MGAT5B: variants seen among roughly 807,000 people sequenced by gnomAD.
MGAT5B encodes N-acetylglucosaminyl-transferase Vb.
A neutral mutation model predicts 95.1 loss-of-function variants in MGAT5B; 54 were observed. The observed-to-expected ratio is 0.57, with a 90% CI of 0.46 to 0.71. MGAT5B has a LOEUF of 0.71. Among genes scored for constraint, MGAT5B ranks in the 30% least tolerant of loss-of-function variants. The pLI is 0.00. For synonymous variants in MGAT5B, 464 were observed against 451.0 expected (o/e 1.03, Z -0.36); for missense variants, 935 against 1,088.6 (o/e 0.86, Z 1.99).
chr17:76,903,219 G>A (rs1598934021), intron 4 of MGAT5B, 84 bp from the exon 5 acceptor site: 5 of 1,039,788 alleles, frequency 4.8e-6, no homozygotes, highest in African/African-American at 3.3e-5. Context: ...CGGATTGTGT[G>A]GGAAGCTGCC....
At chr17:76,878,423 G>A (rs1032639381) in intron 2 of MGAT5B, among the ~76,000 whole-genome samples, 3 of 152,156 alleles carry the variant, frequency 2.0e-5, no homozygotes, top group African/African-American at 7.2e-5. Context: ...CCGCAGGCAT[G>A]GTCATCGTGA....
chr17:76,900,188 T>A (rs933912431), intron 3 of MGAT5B, among the ~76,000 whole-genome samples: 4 of 152,216 alleles, frequency 2.6e-5, no homozygotes, highest in Non-Finnish European at 5.9e-5. Flanking sequence ...ATACTGGTAA[T>A]GAACCTTGAT....
rs779863497 is a variant in MGAT5B, at chr17:76,872,940, C to T, written c.158C>T (p.Ser53Leu). ...GQFSARRLGD[S>L]PFTIRTEVMG... ...TTCTCGGCCCGGCGCCTGGGGGACT[C>T]GCCATTCACCATCCGCACAGAAGGT... is the stretch of plus-strand genomic sequence containing the variant. The change falls in exon 2 of 18, where the codon TCG becomes TTG. Residue 53 changes from serine to leucine, a missense_variant. By Grantham distance (145) the Ser-to-Leu change is moderately radical. Transcript: ENST00000569840. The T allele has an allele frequency of 1.2e-5, 19 of 1,613,942 alleles. No individual in the cohort carries two copies. The highest frequency in any genetic ancestry group is 2.7e-5 in the African/African-American group (2 of 74,944).
intron 11 of MGAT5B, 68 bp from the exon 12 acceptor site, chr17:76,933,224 G>T: frequency 6.3e-7 from 1 of 1,594,848 alleles, no homozygotes; most frequent in Non-Finnish European, 8.5e-7. Flanking sequence ...ATGGGGTGTT[G>T]TCTGCGAATC....
At position 76,897,665 on chromosome 17, in the gene MGAT5B, CTTTCT is replaced by C. The variant is rs1567800108; in HGVS notation, c.330-4887_330-4883del. Among the ~76,000 whole-genome samples, 97 of 51,164 alleles carry C rather than the reference CTTTCT, an allele frequency of 1.9e-3. 1 individual carries two copies. In the East Asian group the frequency reaches 0.019, roughly 10 times the overall value. 33.6% of individuals were successfully genotyped at this position (51,164 alleles called of 152,430 possible). A position where few individuals can be genotyped will look rare whatever the true frequency, so the allele number is the denominator to read the frequency against. ...CCCTATTCCCAAGTAAGGCCACTTT[CTTTCT>C]TTCTTTCTTTCTTTCTTTCTTTCTT... On this transcript the variant is annotated intron_variant, in intron 3 of 17. Transcript: ENST00000569840.
At chr17:76,880,636 G>A (rs1023545637) in intron 2 of MGAT5B, among the ~76,000 whole-genome samples, 3 of 152,200 alleles carry the variant, frequency 2.0e-5, no homozygotes, top group Non-Finnish European at 4.4e-5. Flanking sequence ...GCCTTGAGAC[G>A]GGGATGCTGA....
intron 3 of MGAT5B, among the ~76,000 whole-genome samples, chr17:76,891,673 C>T (rs1967875032): frequency 6.6e-6 from 1 of 152,248 alleles, no homozygotes. Context: ...AGCCACTGCG[C>T]CCGGCCCTGG....
chr17:76,874,942 T>A (rs550731405), intron 2 of MGAT5B, among the ~76,000 whole-genome samples: 1 of 152,222 alleles, frequency 6.6e-6, no homozygotes, highest in East Asian at 1.9e-4. Flanking sequence ...CGTGTGTACA[T>A]GTGCATGTGT....
chr17:76,909,618 G>A (rs1219326602), intron 8 of MGAT5B, among the ~76,000 whole-genome samples: 2 of 152,224 alleles, frequency 1.3e-5, no homozygotes, highest in Admixed American at 1.3e-4. Flanking sequence ...GCAAGCACCA[G>A]TCTTGGGCAG....
Position 76,938,207 on chromosome 17 carries a change from A to G in MGAT5B, c.1584+64A>G. Reference sequence around the variant, plus strand: ...GCTGCAGACACTGAGGTCACCACCCATGCCTGCCACCACCACTCAGGCCCC... The same window carrying G: ...GCTGCAGACACTGAGGTCACCACCCGTGCCTGCCACCACCACTCAGGCCCC... On this transcript the variant is annotated intron_variant, in intron 13 of 17. Coordinates refer to ENST00000569840, the MANE Select transcript of MGAT5B (RefSeq NM_001199172.2). This position sits in a 1 kb window ranked among gnomAD's most constrained non-coding sequence, Gnocchi z 4.3. 1.3e-6 allele frequency: 2 copies of G among 1,581,302 alleles called. No individual in the cohort carries two copies. Among genetic ancestry groups the G allele is most frequent in the Non-Finnish European group, 1.7e-6 (2 of 1,158,038 alleles).
In MGAT5B at chr17:76,906,663, C is replaced by T. The variant is rs937415786; in HGVS notation, c.1025+476C>T. ...CCCTTACCCAGTGCTGGGCTTTTCA[C>T]GGTCCCTTGGATGCTGTGGGAGGTG... On this transcript the variant is annotated intron_variant, in intron 8 of 17. Coordinates refer to ENST00000569840, the MANE Select transcript of MGAT5B (RefSeq NM_001199172.2). The surrounding 1 kb of genome is among the most constrained non-coding windows in gnomAD (Gnocchi z 4.6). Among the ~76,000 whole-genome samples, 5 of 151,980 alleles carry T rather than the reference C, an allele frequency of 3.3e-5. No individual in the cohort carries two copies. Among genetic ancestry groups the T allele is most frequent in the African/African-American group, 9.7e-5 (4 of 41,356 alleles).
At chr17:76,896,167 G>A (rs866655042) in intron 3 of MGAT5B, among the ~76,000 whole-genome samples, 1 of 152,204 alleles carries the variant, frequency 6.6e-6, no homozygotes, top group Admixed American at 6.5e-5. Context: ...CCAGGTCATA[G>A]ATCTGTTGAG....
Position 76,905,394 on chromosome 17 carries a change from A to C in MGAT5B, c.855+61A>C, listed in dbSNP as rs1418004330. On this transcript the variant is annotated intron_variant, in intron 7 of 17. Coordinates refer to ENST00000569840, the MANE Select transcript of MGAT5B (RefSeq NM_001199172.2). This position sits in a 1 kb window ranked among gnomAD's most constrained non-coding sequence, Gnocchi z 4.2. ...AGAAAGCTCAGGGCCCCCACTTCTG[A>C]GTGGGCATGGAATAGGTCTTCAAAC... is the stretch of plus-strand genomic sequence containing the variant. 65 of 1,413,322 alleles carry C rather than the reference A, an allele frequency of 4.6e-5. 1 individual carries two copies. The allele number at this position is 1,413,322 out of a possible 1,614,324, so 87.5% of individuals were successfully genotyped here. A position where few individuals can be genotyped will look rare whatever the true frequency, so the allele number is the denominator to read the frequency against.
intron 16 of MGAT5B, among the ~76,000 whole-genome samples, chr17:76,947,491 G>A (rs891494640): frequency 6.6e-6 from 1 of 152,086 alleles, no homozygotes; most frequent in Non-Finnish European, 1.5e-5. Flanking sequence ...GGCAGGGCTC[G>A]TGGGCCCCAG....
chr17:76,934,940 A>T (rs982666024), intron 12 of MGAT5B, among the ~76,000 whole-genome samples: 2 of 151,952 alleles, frequency 1.3e-5, no homozygotes, highest in African/African-American at 2.4e-5. Flanking sequence ...AGGAGGGGAG[A>T]TGGAAGGTCA....
Position 76,940,327 on chromosome 17 carries a change from G to A in MGAT5B, c.1585-75G>A. On this transcript the variant is annotated intron_variant, in intron 13 of 17. Transcript: ENST00000569840. This position sits in a 1 kb window ranked among gnomAD's most constrained non-coding sequence, Gnocchi z 4.3. ...TGTGAATATCCCGAAGCCTCACCTTGTCCCCGGCATCCTGGTGCTTACTGG... is the reference window on the plus strand; with the variant it reads ...TGTGAATATCCCGAAGCCTCACCTTATCCCCGGCATCCTGGTGCTTACTGG... The A allele has an allele frequency of 6.8e-7, 1 of 1,477,544 alleles. No individual in the cohort carries two copies. The highest frequency in any genetic ancestry group is 9.0e-7 in the Non-Finnish European group (1 of 1,111,364). 91.5% of individuals were successfully genotyped at this position (1,477,544 alleles called of 1,614,324 possible).
rs1970132773 is a variant in MGAT5B at position 76,949,295 on chromosome 17, C to T, written c.*457C>T. On this transcript the variant is annotated 3_prime_UTR_variant, in exon 18 of 18. Transcript: ENST00000569840. ...GAAGGGTCCAAGGAGGGGCCCTCCC[C>T]ATGGCCCTGGAGAGTGGGCCTGGGT... is the stretch of plus-strand genomic sequence containing the variant. 1 of 168,674 alleles carries T rather than the reference C, an allele frequency of 5.9e-6. No homozygotes were observed. 10.4% of individuals were successfully genotyped at this position (168,674 alleles called of 1,614,324 possible).
At chr17:76,945,205 TCCCTC>T (rs1198420960) in intron 15 of MGAT5B, among the ~76,000 whole-genome samples, 7 of 152,116 alleles carry the variant, frequency 4.6e-5, no homozygotes, top group Admixed American at 1.3e-4. Flanking sequence ...CTGTCACTCT[TCCCTC>T]CACTCCCCTG....
chr17:76,891,226 A>C (rs1290385884), intron 3 of MGAT5B, among the ~76,000 whole-genome samples: 1 of 151,172 alleles, frequency 6.6e-6, no homozygotes, highest in African/African-American at 2.4e-5. Flanking sequence ...TGGCCTCTCA[A>C]ACTGCTGGGA....
Sources: allele counts gnomAD v4.1 joint callset (sites outside exome capture counted in the v4.1 genomes callset), GRCh38; gene constraint gnomAD v4.1.1; non-coding constraint Gnocchi (gnomAD v3.1); transcripts MANE v1.5; gene names NCBI Gene and HGNC (gene_info 2026-07-23, HGNC 2026-07-21).